Variants in FER1L6 observed in about 807,000 individuals in gnomAD.
The protein encoded by FER1L6 is fer-1-like protein 6.
A neutral mutation model predicts 219.2 loss-of-function variants in FER1L6; 177 were observed. That is an observed-to-expected ratio of 0.81 (90% CI 0.71 to 0.91). FER1L6 has a LOEUF of 0.91. Among genes scored for constraint, FER1L6 ranks in the 40% least tolerant of loss-of-function variants. The probability of loss-of-function intolerance (pLI) is 0.00; values close to 1 mark genes in which losing one functional copy is unlikely to be tolerated. For missense variants in FER1L6, 2,153 were observed against 2,259.9 expected (o/e 0.95, Z 0.96); for synonymous variants, 768 against 824.3 (o/e 0.93, Z 1.17).
At chr8:123,974,731 C>T (rs546032748) in intron 7 of FER1L6, among the ~76,000 whole-genome samples, 15 of 149,312 alleles carry the variant, frequency 1.0e-4, no homozygotes, top group Non-Finnish European at 5.9e-5. Context: ...AAAGAAAAGC[C>T]GGAAGTCTAG....
chr8:123,904,224 T>TTGTGTGTGTGTG (rs56224402), intron 1 of FER1L6, among the ~76,000 whole-genome samples: 16,045 of 139,282 alleles, frequency 0.12, 1,128 homozygotes, highest in Middle Eastern at 0.15. Context: ...CTCTGTATAT[T>TTGTGTGTGTGTG]TGTGTGTGTG....
intron 1 of FER1L6, among the ~76,000 whole-genome samples, chr8:123,876,364 A>G (rs1817004145): frequency 6.6e-6 from 1 of 151,416 alleles, no homozygotes; most frequent in Non-Finnish European, 1.5e-5. Flanking sequence ...TGTGGCCCAG[A>G]CTGGAGTGCA....
intron 11 of FER1L6, among the ~76,000 whole-genome samples, chr8:123,982,474 A>C (rs1449784485): frequency 6.6e-6 from 1 of 152,188 alleles, no homozygotes; most frequent in East Asian, 1.9e-4. Flanking sequence ...GCTATTGTGT[A>C]GTAGGTAATA....
chr8:123,856,367 A>G (rs1381545554), intron 1 of FER1L6, among the ~76,000 whole-genome samples: 9 of 126,776 alleles, frequency 7.1e-5, no homozygotes, highest in Admixed American at 3.4e-4. Context: ...CAGGCCTCAT[A>G]CTAACATATA....
intron 1 of FER1L6, among the ~76,000 whole-genome samples, chr8:123,915,172 T>G (rs1813148250): frequency 6.6e-6 from 1 of 152,108 alleles, no homozygotes; most frequent in Non-Finnish European, 1.5e-5. Flanking sequence ...GACTCTTATC[T>G]CAGTTTGTAA....
intron 33 of FER1L6, among the ~76,000 whole-genome samples, chr8:124,087,690 T>C (rs1821841346): frequency 6.6e-6 from 1 of 152,158 alleles, no homozygotes; most frequent in African/African-American, 2.4e-5. Context: ...GTCTTTGCAG[T>C]CTGCGCTTGT....
intron 29 of FER1L6, among the ~76,000 whole-genome samples, 171 bp from the exon 30 acceptor site, chr8:124,070,296 A>G (rs578198691): frequency 4.5e-4 from 68 of 152,214 alleles, no homozygotes; most frequent in Non-Finnish European, 6.3e-4. Context: ...TAGTTTCAGG[A>G]GTGCTGAGCC....
intron 1 of FER1L6, among the ~76,000 whole-genome samples, chr8:123,901,610 C>T (rs1227923185): frequency 6.6e-6 from 1 of 152,000 alleles, no homozygotes; most frequent in East Asian, 1.9e-4. Flanking sequence ...AGTTAGTGCA[C>T]TTTCAGTCTT....
At chr8:123,919,726 G>A (rs1418897352) in intron 1 of FER1L6, among the ~76,000 whole-genome samples, 1 of 152,182 alleles carries the variant, frequency 6.6e-6, no homozygotes, top group Non-Finnish European at 1.5e-5. Context: ...CTTTATTTGG[G>A]TTTATTAATA....
chr8:124,045,684 G>A, intron 20 of FER1L6, 83 bp from the exon 21 acceptor site: 3 of 1,434,014 alleles, frequency 2.1e-6, no homozygotes, highest in South Asian at 2.4e-5. Context: ...TCTTTCCCCT[G>A]TATAAGTATT....
intron 1 of FER1L6, among the ~76,000 whole-genome samples, chr8:123,911,136 A>G (rs1482897870): frequency 6.6e-6 from 1 of 152,188 alleles, no homozygotes; most frequent in African/African-American, 2.4e-5. Context: ...GTTTGTTATT[A>G]GGGAAGTAAA....
At chr8:124,005,408 T>C (rs904807946) in intron 13 of FER1L6, among the ~76,000 whole-genome samples, 6 of 152,250 alleles carry the variant, frequency 3.9e-5, no homozygotes, top group Admixed American at 6.5e-5. Context: ...TCCCAATATG[T>C]CCTGCTGTGT....
At chr8:124,006,782 G>A (rs1254854168) in intron 13 of FER1L6, among the ~76,000 whole-genome samples, 1 of 152,108 alleles carries the variant, frequency 6.6e-6, no homozygotes, top group African/African-American at 2.4e-5. Flanking sequence ...ACAGCACCTT[G>A]CCATCTGCTG....
intron 18 of FER1L6, among the ~76,000 whole-genome samples, chr8:124,025,053 AT>A (rs139829496): frequency 2.9e-4 from 44 of 151,506 alleles, no homozygotes; most frequent in Admixed American, 2.4e-3. Flanking sequence ...TAATGGAATT[AT>A]TTTTTTATGT....
intron 1 of FER1L6, among the ~76,000 whole-genome samples, chr8:123,928,615 T>G (rs1813654927): frequency 6.6e-6 from 1 of 152,214 alleles, no homozygotes; most frequent in African/African-American, 2.4e-5. Context: ...TTTGTAATCT[T>G]CAAGCCTGGT....
chr8:123,933,378 CTGTGTGTGTGTG>C (rs767541659), intron 1 of FER1L6, among the ~76,000 whole-genome samples: 1 of 130,158 alleles, frequency 7.7e-6, no homozygotes, highest in African/African-American at 3.0e-5. Context: ...ATATGTGTGT[CTGTGTGTGTGTG>C]TGTGTGTGTG....
intron 1 of FER1L6, among the ~76,000 whole-genome samples, chr8:123,870,142 T>A (rs7823205): frequency 1.3e-5 from 2 of 152,078 alleles, no homozygotes; most frequent in Non-Finnish European, 2.9e-5. Flanking sequence ...TCTAAAAACC[T>A]AACAAAGCCA....
chr8:124,060,620 G>A lies in FER1L6; in HGVS notation c.3058G>A (p.Glu1020Lys). 1 of 1,614,128 alleles carries A rather than the reference G, an allele frequency of 6.2e-7. No homozygotes were observed. The highest frequency in any genetic ancestry group is 8.5e-7 in the Non-Finnish European group (1 of 1,179,996). The stretch of plus-strand genomic sequence containing the variant: ...TGTGGATCGGCCTCAGGCTCTCATT[G>A]AGTGCGGAGGACAAGGTGTGAAGTC... Reference protein sequence around the residue: ...LSVDRPQALIECGGQGVKSCV... With the variant: ...LSVDRPQALIKCGGQGVKSCV... The change falls in exon 24 of 41, where the codon GAG becomes AAG. Residue 1020 changes from glutamate to lysine, a missense_variant. Glu to Lys is a moderately conservative substitution (Grantham distance 56). Transcript: ENST00000522917.
At chr8:123,967,971 A>AG (rs1287532588) in intron 5 of FER1L6, among the ~76,000 whole-genome samples, 4 of 152,022 alleles carry the variant, frequency 2.6e-5, no homozygotes, top group Non-Finnish European at 4.4e-5. Flanking sequence ...AAAAAAAAAA[A>AG]TCTTATTATC....
Sources: allele counts gnomAD v4.1 joint callset (sites outside exome capture counted in the v4.1 genomes callset), GRCh38; gene constraint gnomAD v4.1.1; transcripts MANE v1.5; gene names NCBI Gene and HGNC (gene_info 2026-07-23, HGNC 2026-07-21).